The following STRIP1 variants were observed in gnomAD, a reference collection of about 807,000 sequenced individuals.
The protein encoded by STRIP1 is striatin-interacting protein 1.
Under a neutral mutation model 106.2 loss-of-function variants are expected in STRIP1, and 63 were observed. That is an observed-to-expected ratio of 0.59 (90% CI 0.48 to 0.73). The LOEUF (loss-of-function observed/expected upper bound fraction) is 0.73, where lower values mean the gene tolerates loss of function less well. Ranked by LOEUF, STRIP1 falls within the 30% of genes least tolerant of loss-of-function variation. The pLI is 0.00. For missense variants in STRIP1, 857 were observed against 1,074.8 expected (o/e 0.80, Z 2.83); for synonymous variants, 390 against 413.0 (o/e 0.94, Z 0.67).
chr1:110,049,673 G>A (rs956143896), intron 17 of STRIP1, 113 bp downstream of exon 17: 4 of 707,116 alleles, frequency 5.7e-6, no homozygotes, highest in Non-Finnish European at 9.7e-6. Context: ...CACTGTGCTA[G>A]GCATCAAGAC....
intron 2 of STRIP1, 148 bp downstream of exon 2, chr1:110,038,108 A>ATG (rs1652562917): frequency 6.0e-6 from 1 of 165,662 alleles, no homozygotes; most frequent in Admixed American, 6.7e-5. Flanking sequence ...ATATATATAT[A>ATG]TATATGTATA....
chr1:110,043,577 C>G, intron 9 of STRIP1, 62 bp from the exon 10 acceptor site: 1 of 1,434,530 alleles, frequency 7.0e-7, no homozygotes, highest in South Asian at 1.2e-5. Flanking sequence ...TCTCCTCTGG[C>G]TGCACTTCCC....
chr1:110,033,709 C>G (rs1182650436), upstream of STRIP1, among the ~76,000 whole-genome samples: 1 of 152,204 alleles, frequency 6.6e-6, no homozygotes, highest in African/African-American at 2.4e-5. Context: ...CCTCCAAATA[C>G]CATCAACATA....
chr1:110,049,403 G>C, intron 16 of STRIP1, 57 bp from the exon 17 acceptor site: 1 of 1,551,200 alleles, frequency 6.4e-7, no homozygotes, highest in Non-Finnish European at 8.8e-7. Flanking sequence ...GGAGGAAAGA[G>C]GGCAAGGTCC....
rs751486404 is a variant in STRIP1, at chr1:110,045,300, G to T, written c.1416+222G>T. 1.9e-5 allele frequency: 10 copies of T among 539,598 alleles called. No individual in the cohort carries two copies. In the Admixed American group the frequency reaches 2.6e-4, roughly 14 times the overall value. The allele number at this position is 539,598 out of a possible 1,614,324, so 33.4% of individuals were successfully genotyped here. On this transcript the variant is annotated intron_variant, in intron 12 of 20. Coordinates refer to ENST00000369795, the MANE Select transcript of STRIP1 (RefSeq NM_033088.4). ...GCTGAGCTTTTGTTTGGGACTGACT[G>T]GGAAGTCTTTAAAGATTATATTACC...
At chr1:110,053,536 G>A in intron 20 of STRIP1, 129 bp from the exon 21 acceptor site, 1 of 1,313,466 alleles carries the variant, frequency 7.6e-7, no homozygotes, top group Non-Finnish European at 1.0e-6. Context: ...GGAATTCCTG[G>A]CATCTTTCTG....
At chr1:110,041,471 T>G in intron 6 of STRIP1, 65 bp from the exon 7 acceptor site, 1 of 1,146,768 alleles carries the variant, frequency 8.7e-7, no homozygotes, top group Non-Finnish European at 1.3e-6. Flanking sequence ...AGCACTTTGT[T>G]AGACACTAGG....
chr1:110,047,685 C>T, intron 14 of STRIP1, 69 bp downstream of exon 14: 1 of 1,542,962 alleles, frequency 6.5e-7, no homozygotes, highest in Non-Finnish European at 8.8e-7. Flanking sequence ...GTCCTCCTGC[C>T]ACCTGCAGAC....
chr1:110,039,109 A>G (rs1183994647), intron 3 of STRIP1, 63 bp from the exon 4 acceptor site: 22 of 1,592,492 alleles, frequency 1.4e-5, no homozygotes, highest in Admixed American at 1.7e-5. Flanking sequence ...GTGAGTTAAC[A>G]TGGGTCCATG....
At chr1:110,040,274 C>T (rs184891292) in intron 5 of STRIP1, among the ~76,000 whole-genome samples, 2 of 152,266 alleles carry the variant, frequency 1.3e-5, no homozygotes, top group African/African-American at 2.4e-5. Context: ...CTCCACCTCC[C>T]GGCTTCAAGC....
At position 110,037,593 on chromosome 1, in the gene STRIP1, G is replaced by A. The variant is rs10745307; in HGVS notation, c.181-298G>A. Among the ~76,000 whole-genome samples, 97,229 of 152,070 alleles carry A rather than the reference G, an allele frequency of 0.64. 31,897 individuals are homozygous for A. Among genetic ancestry groups the A allele is most frequent in the East Asian group, 0.81 (4,184 of 5,180 alleles). On this transcript the variant is annotated intron_variant, in intron 1 of 20. Transcript: ENST00000369795. ...TTCATTCATTCACTTATTCATGCCA[G>A]GTACCATGCTGGACCTTGTGAAATC...
chr1:110,032,216 T>G (rs1557784031), upstream of STRIP1, among the ~76,000 whole-genome samples: 1 of 152,228 alleles, frequency 6.6e-6, no homozygotes, highest in East Asian at 1.9e-4. Flanking sequence ...TGTTCTAAAT[T>G]TAGCTGAAAA....
Position 110,040,628 on chromosome 1 carries a change from C to CCAAGA in STRIP1, c.582-6_582-5insAAGAC. 1 of 1,609,370 alleles carries CCAAGA rather than the reference C, an allele frequency of 6.2e-7. No individual in the cohort carries two copies. The highest frequency in any genetic ancestry group is 1.1e-5 in the South Asian group (1 of 90,092). On this transcript the variant is annotated splice_polypyrimidine_tract_variant and splice_region_variant and intron_variant, in intron 5 of 20. Transcript: ENST00000369795. ...AGGAAGATGCTGACTCTCAAAATCT[C>CCAAGA]CTGCAGCAACAGTGCCGCCTGCAGC...
chr1:110,054,511 A>T lies in STRIP1; in HGVS notation c.*599A>T, dbSNP rs1029126259. On this transcript the variant is annotated 3_prime_UTR_variant, in exon 21 of 21. Coordinates refer to ENST00000369795, the MANE Select transcript of STRIP1 (RefSeq NM_033088.4). ...AGGAAGAGAAGCTTCCCTTAACCAG[A>T]GGGGCCATTTTTCCTTTTGGCTTTC... The T allele has an allele frequency of 7.8e-5, 12 of 152,920 alleles. No homozygotes were observed. The highest frequency in any genetic ancestry group is 2.9e-4 in the African/African-American group (12 of 41,416). The allele number at this position is 152,920 out of a possible 1,614,324, so 9.5% of individuals were successfully genotyped here. A position where few individuals can be genotyped will look rare whatever the true frequency, so the allele number is the denominator to read the frequency against.
At position 110,047,929 on chromosome 1, in the gene STRIP1, A is replaced by T; in HGVS notation, c.1661+60A>T. On this transcript the variant is annotated intron_variant, in intron 15 of 20. Transcript: ENST00000369795. ...AGAAGATAGATGGAGAAGGGCAAAC[A>T]TTTTCCTCTTGTCAGGTTGGTTGTT... is the stretch of plus-strand genomic sequence containing the variant. 4.3e-6 allele frequency: 6 copies of T among 1,396,008 alleles called. No homozygotes were observed. The South Asian group carries it at 7.4e-5, about 17-fold the overall frequency. The allele number at this position is 1,396,008 out of a possible 1,614,324, so 86.5% of individuals were successfully genotyped here.
At chr1:110,045,579 A>G (rs189400248) in intron 12 of STRIP1, 1 of 154,378 alleles carries the variant, frequency 6.5e-6, no homozygotes, top group East Asian at 1.9e-4. Flanking sequence ...CCACGTTCTC[A>G]GGCGGTTGAA....
Position 110,053,993 on chromosome 1 carries a change from T to G in STRIP1, c.*81T>G. Reference sequence around the variant, plus strand: ...GGACTGTCCTAGTTCATTGCTGCAGTGCTCCCATCCCCCACCAGGTGGCAG... The same window carrying G: ...GGACTGTCCTAGTTCATTGCTGCAGGGCTCCCATCCCCCACCAGGTGGCAG... On this transcript the variant is annotated 3_prime_UTR_variant, in exon 21 of 21. Transcript: ENST00000369795. 1 of 1,528,128 alleles carries G rather than the reference T, an allele frequency of 6.5e-7. No homozygotes were observed. The highest frequency in any genetic ancestry group is 8.9e-7 in the Non-Finnish European group (1 of 1,121,818). 94.7% of individuals were successfully genotyped at this position (1,528,128 alleles called of 1,614,324 possible).
At chr1:110,031,971 C>T (rs1405752253), upstream of STRIP1, among the ~76,000 whole-genome samples, 2 of 150,728 alleles carry the variant, frequency 1.3e-5, no homozygotes, top group East Asian at 1.9e-4. Flanking sequence ...TGGGCTCAAA[C>T]GATCCTCCCA....
chr1:110,038,123 ATGTTATTTGATTCAAGCCTTG>A (rs1346260959), intron 2 of STRIP1, 163 bp downstream of exon 2: 1 of 160,834 alleles, frequency 6.2e-6, no homozygotes, highest in Non-Finnish European at 1.1e-5. Flanking sequence ...TGTATAAAAC[ATGTTATTTGATTCAAGCCTTG>A]TGTATCTTAT....
Sources: allele counts gnomAD v4.1 joint callset (sites outside exome capture counted in the v4.1 genomes callset), GRCh38; gene constraint gnomAD v4.1.1; transcripts MANE v1.5; gene names NCBI Gene and HGNC (gene_info 2026-07-23, HGNC 2026-07-21).